The following ATXN3 variants were observed in gnomAD, a reference collection of about 807,000 sequenced individuals.
ATXN3 encodes ataxin 3.
In ATXN3, 28 loss-of-function variants were observed where a neutral mutation model predicts 58.2. The ratio of observed to expected loss-of-function variants is 0.48; its 90% confidence interval spans 0.36 to 0.66. The LOEUF (loss-of-function observed/expected upper bound fraction) is 0.66. ATXN3 is among the 30% of genes least tolerant of loss of function. The pLI is 0.00. For missense variants in ATXN3, 321 were observed against 422.1 expected (o/e 0.76, Z 2.10); for synonymous variants, 113 against 138.5 (o/e 0.82, Z 1.29).
chr14:92,047,678 T>G (rs974861384), intron 2 of ATXN3, among the ~76,000 whole-genome samples: 1 of 152,180 alleles, frequency 6.6e-6, no homozygotes, highest in African/African-American at 2.4e-5. Flanking sequence ...TTAAAATGTC[T>G]TGGCCTAATA....
chr14:92,053,472 CCTTTTTTTTTTCTTTCTTT>C (rs934677148), upstream of ATXN3, among the ~76,000 whole-genome samples: 5 of 150,258 alleles, frequency 3.3e-5, no homozygotes, highest in African/African-American at 9.8e-5. Context: ...TTTCTGCTCT[CCTTTTTTTTTTCTTTCTTT>C]CTTTTTTTTT....
intron 9 of ATXN3, among the ~76,000 whole-genome samples, chr14:92,077,059 C>G (rs1405929761): frequency 1.3e-5 from 2 of 151,504 alleles, no homozygotes; most frequent in Admixed American, 6.6e-5. Flanking sequence ...TCCTTTAACC[C>G]AATAATCTGA....
chr14:92,058,701 A>T lies in ATXN3; in HGVS notation c.*5619T>A, dbSNP rs1185036980. 2 of 152,226 alleles carry T rather than the reference A, an allele frequency of 1.3e-5. No individual in the cohort carries two copies. The highest frequency in any genetic ancestry group is 4.8e-5 in the African/African-American group (2 of 41,458). The allele number at this position is 152,226 out of a possible 1,614,324, so 9.4% of individuals were successfully genotyped here. A position where few individuals can be genotyped will look rare whatever the true frequency, so the allele number is the denominator to read the frequency against. On this transcript the variant is annotated 3_prime_UTR_variant, in exon 11 of 11. Transcript: ENST00000644486. The stretch of plus-strand genomic sequence containing the variant: ...CCAGACAGGAAGGCCTGTGTGTGTA[A>T]TAACAGCAAATGAACTTAACGAGGG...
chr14:92,092,337 C>A (rs996737714), intron 5 of ATXN3, among the ~76,000 whole-genome samples: 1 of 152,040 alleles, frequency 6.6e-6, no homozygotes, highest in Non-Finnish European at 1.5e-5. Context: ...TTTCAATAAC[C>A]CTCTTTCAAA....
At chr14:92,102,710 A>C (rs900494912) in intron 1 of ATXN3, among the ~76,000 whole-genome samples, 2 of 152,076 alleles carry the variant, frequency 1.3e-5, no homozygotes, top group Non-Finnish European at 2.9e-5. Flanking sequence ...CTACACTCTA[A>C]CTCTCAGGTT....
chr14:92,087,181 T>G (rs1039370981), intron 6 of ATXN3, among the ~76,000 whole-genome samples: 2 of 152,058 alleles, frequency 1.3e-5, no homozygotes, highest in Non-Finnish European at 2.9e-5. Flanking sequence ...TGGAGAGTGG[T>G]ACATAATTTT....
In ATXN3 at chr14:92,060,230, A is replaced by G. The variant is rs2057664175; in HGVS notation, c.*4090T>C. 7.0e-6 allele frequency: 1 copy of G among 142,968 alleles called. No individual in the cohort carries two copies. The highest frequency in any genetic ancestry group is 1.5e-5 in the Non-Finnish European group (1 of 66,464). 8.9% of individuals were successfully genotyped at this position (142,968 alleles called of 1,614,324 possible). On this transcript the variant is annotated 3_prime_UTR_variant, in exon 11 of 11. Transcript: ENST00000644486. ...GTTTTTAATAGGAAGTCATATATATATACATATATATATACACACATATAT... is the reference window on the plus strand; with the variant it reads ...GTTTTTAATAGGAAGTCATATATATGTACATATATATATACACACATATAT...
At chr14:92,072,599 T>C (rs537236516) in intron 9 of ATXN3, among the ~76,000 whole-genome samples, 271 of 149,230 alleles carry the variant, frequency 1.8e-3, no homozygotes, top group Admixed American at 4.0e-3. Flanking sequence ...GGATAAGGGA[T>C]ACTCAATCTG....
intron 9 of ATXN3, among the ~76,000 whole-genome samples, chr14:92,078,357 ATTAT>A (rs71301947): frequency 2.7e-5 from 4 of 150,114 alleles, no homozygotes; most frequent in South Asian, 2.1e-4. Context: ...GTTATTTTTT[ATTAT>A]TTATTTATTT....
chr14:92,082,573 T>C (rs1446690545), intron 7 of ATXN3, 107 bp from the exon 8 acceptor site: 1 of 1,104,766 alleles, frequency 9.1e-7, no homozygotes, highest in African/African-American at 1.6e-5. Context: ...ACTTAAAATG[T>C]TTTCTGGCAA....
At chr14:92,088,377 G>A (rs7155635) in intron 6 of ATXN3, among the ~76,000 whole-genome samples, 43,015 of 152,098 alleles carry the variant, frequency 0.28, 6,425 homozygotes, top group East Asian at 0.44. Context: ...GCCGTTAGGG[G>A]CATGTATTTC....
chr14:92,095,454 G>A (rs1361123788), intron 3 of ATXN3, among the ~76,000 whole-genome samples: 1 of 149,618 alleles, frequency 6.7e-6, no homozygotes, highest in Non-Finnish European at 1.5e-5. Context: ...ATGTTAGCCA[G>A]GATGGTCTCA....
chr14:92,101,408 T>C (rs1483980957), intron 1 of ATXN3, among the ~76,000 whole-genome samples: 1 of 152,186 alleles, frequency 6.6e-6, no homozygotes, highest in South Asian at 2.1e-4. Flanking sequence ...AAATTCCACA[T>C]GGACCAAAAG....
At chr14:92,098,454 G>C (rs1283499838) in intron 1 of ATXN3, among the ~76,000 whole-genome samples, 1 of 152,112 alleles carries the variant, frequency 6.6e-6, no homozygotes, top group African/African-American at 2.4e-5. Flanking sequence ...CAGCATGGTG[G>C]TGTGTACCTG....
In ATXN3 at chr14:92,070,521, G is replaced by A. The variant is rs543660755; in HGVS notation, c.991+414C>T. Among the ~76,000 whole-genome samples, 15 of 152,324 alleles carry A rather than the reference G, an allele frequency of 9.8e-5. 1 individual carries two copies. The East Asian group carries it at 2.9e-3, about 29-fold the overall frequency. ...ATGAACCCAGGAAGCAGAGCTTGCA[G>A]TGAGCCGAGATCGCGACACTGCACT... On this transcript the variant is annotated intron_variant, in intron 10 of 10. Coordinates refer to ENST00000644486, the MANE Select transcript of ATXN3 (RefSeq NM_004993.6).
At chr14:92,045,138 A>T (rs935760248) in intron 2 of ATXN3, among the ~76,000 whole-genome samples, 2 of 152,200 alleles carry the variant, frequency 1.3e-5, no homozygotes, top group Non-Finnish European at 2.9e-5. Flanking sequence ...ACGGGCTCTA[A>T]TTCTGTGAAG....
chr14:92,075,991 C>T (rs2060282650), intron 9 of ATXN3, among the ~76,000 whole-genome samples: 1 of 152,190 alleles, frequency 6.6e-6, no homozygotes, highest in South Asian at 2.1e-4. Flanking sequence ...CTCAATCAAT[C>T]CTCCACCAAG....
At chr14:92,085,586 C>A (rs530173072) in intron 6 of ATXN3, among the ~76,000 whole-genome samples, 1 of 152,278 alleles carries the variant, frequency 6.6e-6, no homozygotes, top group East Asian at 1.9e-4. Flanking sequence ...AAGAAGCACT[C>A]TGGGCTGCTC....
rs61676989 is a variant in ATXN3 at position 92,075,326 on chromosome 14, G to A, written c.873-4273C>T. Among the ~76,000 whole-genome samples the A allele has an allele frequency of 7.3e-3, 1,111 of 151,938 alleles. 31 individuals are homozygous for A. The South Asian group carries it at 0.075, about 10-fold the overall frequency. On this transcript the variant is annotated intron_variant, in intron 9 of 10. Coordinates refer to ENST00000644486, the MANE Select transcript of ATXN3 (RefSeq NM_004993.6). ...ATTACAGGCGCCCGCCACCATACTC[G>A]GCTAATTTTTTTGTATTTTTAGTAG...
Sources: gnomAD v4.1 joint callset for allele counts (sites outside exome capture counted in the v4.1 genomes callset) on GRCh38, gnomAD v4.1.1 for gene constraint, MANE v1.5 for transcripts, NCBI Gene and HGNC (gene_info 2026-07-23, HGNC 2026-07-21) for gene names.